The following FAF1 variants were observed in gnomAD, a reference collection of about 807,000 sequenced individuals.
FAF1 encodes Fas associated factor 1, also known as FAS-associated factor 1.
In FAF1, 25 loss-of-function variants were observed where a neutral mutation model predicts 92.5. That is an observed-to-expected ratio of 0.27 (90% confidence interval 0.20 to 0.38). FAF1 has a LOEUF of 0.38. Among genes scored for constraint, FAF1 ranks in the 10% least tolerant of loss-of-function variants. The pLI, the probability that FAF1 is intolerant of heterozygous loss-of-function variation, is 1.00. For synonymous variants in FAF1, 234 were observed against 273.2 expected (o/e 0.86, Z 1.42); for missense variants, 636 against 793.3 (o/e 0.80, Z 2.38).
chr1:50,888,215 C>T (rs1258116638), intron 1 of FAF1, among the ~76,000 whole-genome samples: 1 of 152,106 alleles, frequency 6.6e-6, no homozygotes, highest in African/African-American at 2.4e-5. Flanking sequence ...GTGATTTTTG[C>T]ACATTGATTT....
intron 4 of FAF1, among the ~76,000 whole-genome samples, chr1:50,746,277 TATATATATA>T (rs1659602943): frequency 1.0e-4 from 2 of 19,240 alleles, no homozygotes; most frequent in African/African-American, 5.0e-4. Context: ...TATATATATA[TATATATATA>T]TATATATTTT....
At chr1:50,781,118 C>G (rs577032005) in intron 4 of FAF1, 51 of 320,636 alleles carry the variant, frequency 1.6e-4, no homozygotes, top group Non-Finnish European at 1.2e-4. Context: ...TACCTGCTGC[C>G]AGGGCAGTCA....
intron 1 of FAF1, among the ~76,000 whole-genome samples, chr1:50,863,798 C>A (rs568083481): frequency 6.6e-6 from 1 of 151,890 alleles, no homozygotes; most frequent in Non-Finnish European, 1.5e-5. Context: ...CTCCTTGTAC[C>A]TCTGGTAGAA....
chr1:50,516,703 C>T (rs1647233392), intron 15 of FAF1, among the ~76,000 whole-genome samples: 1 of 152,198 alleles, frequency 6.6e-6, no homozygotes, highest in Admixed American at 6.5e-5. Context: ...TTGGCTGGTC[C>T]TGACTTTCAA....
intron 7 of FAF1, among the ~76,000 whole-genome samples, chr1:50,683,930 C>CA (rs78987324): frequency 0.019 from 2,252 of 116,076 alleles, 40 homozygotes; most frequent in African/African-American, 0.056. Context: ...AACACTCCAT[C>CA]AAAAAAAAAA....
intron 15 of FAF1, among the ~76,000 whole-genome samples, chr1:50,499,737 T>G (rs1646958980): frequency 6.6e-6 from 1 of 152,122 alleles, no homozygotes; most frequent in Admixed American, 6.5e-5. Context: ...CTCCCCTTCC[T>G]CCCTTCTTTC....
chr1:50,786,622 A>G (rs1489810466), intron 4 of FAF1, among the ~76,000 whole-genome samples: 1 of 152,216 alleles, frequency 6.6e-6, no homozygotes, highest in African/African-American at 2.4e-5. Context: ...CTACAGGAGA[A>G]TATTTGGGGG....
intron 4 of FAF1, among the ~76,000 whole-genome samples, chr1:50,786,412 G>A (rs1055571603): frequency 1.3e-5 from 2 of 152,158 alleles, no homozygotes; most frequent in African/African-American, 4.8e-5. Flanking sequence ...CAAACTTACA[G>A]AAACAGAAGA....
chr1:50,925,230 G>T (rs1471944045), intron 1 of FAF1, among the ~76,000 whole-genome samples: 1 of 152,052 alleles, frequency 6.6e-6, no homozygotes, highest in Admixed American at 6.6e-5. Context: ...ATGGATTAAA[G>T]ACTTAAATGT....
In FAF1 at chr1:50,806,580, C is replaced by T. The variant is rs998411719; in HGVS notation, c.115-4903G>A. 3.9e-5 allele frequency among the ~76,000 whole-genome samples: 6 copies of T among 152,182 alleles called. No homozygotes were observed. In the East Asian group the frequency reaches 1.2e-3, roughly 29 times the overall value. On this transcript the variant is annotated intron_variant, in intron 2 of 18. Transcript: ENST00000396153. ...GCTGAAACACAAATGAACGCAGAGC[C>T]CACTAACCCGCTGAGACAAAGGGCA... is the stretch of plus-strand genomic sequence containing the variant.
At chr1:50,684,155 A>G (rs888322790) in intron 7 of FAF1, among the ~76,000 whole-genome samples, 2 of 152,158 alleles carry the variant, frequency 1.3e-5, no homozygotes, top group African/African-American at 4.8e-5. Context: ...AGTAGTAGCA[A>G]AGTCATAGCA....
intron 8 of FAF1, among the ~76,000 whole-genome samples, chr1:50,627,053 A>G (rs539291596): frequency 1.3e-5 from 2 of 152,272 alleles, no homozygotes; most frequent in South Asian, 4.1e-4. Context: ...ATATGAATTC[A>G]ATTTTGGATA....
At chr1:50,630,014 C>T (rs183550995) in intron 8 of FAF1, among the ~76,000 whole-genome samples, 39 of 151,954 alleles carry the variant, frequency 2.6e-4, no homozygotes, top group Non-Finnish European at 5.2e-4. Context: ...GCCGAGATCA[C>T]GCCACTGCAC....
At chr1:50,645,651 C>T (rs191007283) in intron 8 of FAF1, among the ~76,000 whole-genome samples, 3 of 152,104 alleles carry the variant, frequency 2.0e-5, no homozygotes, top group East Asian at 1.9e-4. Flanking sequence ...GGTGAAACCC[C>T]GTCTCTACTA....
chr1:50,578,607 G>C (rs1650856452), intron 12 of FAF1, among the ~76,000 whole-genome samples: 1 of 152,092 alleles, frequency 6.6e-6, no homozygotes, highest in Non-Finnish European at 1.5e-5. Context: ...TGTGTTGTAG[G>C]CAAGTCATGT....
chr1:50,472,086 G>T (rs765979909), intron 18 of FAF1, among the ~76,000 whole-genome samples: 1 of 151,932 alleles, frequency 6.6e-6, no homozygotes, highest in Non-Finnish European at 1.5e-5. Flanking sequence ...TTCTGGGAAG[G>T]GCCTATGTTT....
intron 7 of FAF1, among the ~76,000 whole-genome samples, chr1:50,691,453 G>A (rs1656919437): frequency 6.6e-6 from 1 of 152,160 alleles, no homozygotes; most frequent in South Asian, 2.1e-4. Flanking sequence ...TGTTGCCCAG[G>A]CTGGTCTCAA....
At chr1:50,667,965 T>C (rs149560211) in intron 7 of FAF1, among the ~76,000 whole-genome samples, 1 of 152,376 alleles carries the variant, frequency 6.6e-6, no homozygotes, top group Admixed American at 6.5e-5. Context: ...TGCTGTTTTC[T>C]GTTGCCCATC....
intron 7 of FAF1, among the ~76,000 whole-genome samples, chr1:50,676,425 G>A (rs1656123761): frequency 6.7e-6 from 1 of 149,166 alleles, no homozygotes; most frequent in Non-Finnish European, 1.5e-5. Flanking sequence ...AAAAAAGAAA[G>A]AAAGAAAATG....
Sources: gnomAD v4.1 joint callset for allele counts (sites outside exome capture counted in the v4.1 genomes callset) on GRCh38, gnomAD v4.1.1 for gene constraint, MANE v1.5 for transcripts, NCBI Gene and HGNC (gene_info 2026-07-23, HGNC 2026-07-21) for gene names.